PAM: variants seen among roughly 807,000 people sequenced by gnomAD.
The protein encoded by PAM is peptidylglycine alpha-amidating monooxygenase, also known as peptidyl-glycine alpha-amidating monooxygenase.
PAM carries 72 observed loss-of-function variants against 122.1 expected under a neutral mutation model. The ratio of observed to expected loss-of-function variants is 0.59; its 90% confidence interval spans 0.49 to 0.72. PAM has a LOEUF of 0.72. Ranked by LOEUF, PAM falls within the 30% of genes least tolerant of loss-of-function variation. The pLI is 0.00. For missense variants in PAM, 1,106 were observed against 1,183.7 expected (o/e 0.93, Z 0.96); for synonymous variants, 389 against 404.4 (o/e 0.96, Z 0.46).
chr5:102,793,951 C>A (rs1762714350), intron 1 of PAM, among the ~76,000 whole-genome samples: 2 of 151,654 alleles, frequency 1.3e-5, no homozygotes, highest in African/African-American at 2.4e-5. Flanking sequence ...ATATTTTTTT[C>A]TTTTTAAAAA....
At chr5:103,018,087 T>A (rs2151248734) in intron 22 of PAM, among the ~76,000 whole-genome samples, 1 of 152,284 alleles carries the variant, frequency 6.6e-6, no homozygotes, top group South Asian at 2.1e-4. Flanking sequence ...AAATAAATTT[T>A]TTAAATTGAA....
intron 1 of PAM, among the ~76,000 whole-genome samples, chr5:102,799,566 G>A (rs970685442): frequency 2.6e-5 from 4 of 152,174 alleles, no homozygotes; most frequent in African/African-American, 9.7e-5. Context: ...CGTAGGTATA[G>A]TAATGATATC....
intron 1 of PAM, among the ~76,000 whole-genome samples, chr5:102,820,770 C>T (rs1244865216): frequency 1.1e-4 from 16 of 152,060 alleles, no homozygotes. Flanking sequence ...AAGATGAAAA[C>T]ATGCTATGTA....
intron 7 of PAM, among the ~76,000 whole-genome samples, chr5:102,940,991 G>A (rs1561966389): frequency 6.6e-6 from 1 of 152,048 alleles, no homozygotes; most frequent in South Asian, 2.1e-4. Flanking sequence ...AGGATTGGTG[G>A]GTTTTATCTT....
chr5:102,832,941 A>G (rs2150458769), intron 1 of PAM, among the ~76,000 whole-genome samples: 1 of 152,294 alleles, frequency 6.6e-6, no homozygotes. Flanking sequence ...AGACTGTTTG[A>G]CTTCACTTAG....
At chr5:102,934,851 T>C (rs1752756804) in intron 7 of PAM, among the ~76,000 whole-genome samples, 1 of 152,184 alleles carries the variant, frequency 6.6e-6, no homozygotes, top group Non-Finnish European at 1.5e-5. Flanking sequence ...CAAAACTTAA[T>C]GAGAAAACTT....
At chr5:102,871,148 A>T (rs972661792) in intron 3 of PAM, among the ~76,000 whole-genome samples, 1 of 152,158 alleles carries the variant, frequency 6.6e-6, no homozygotes, top group Admixed American at 6.5e-5. Flanking sequence ...TTGCAGTCTC[A>T]ACTCAAATTT....
intron 1 of PAM, among the ~76,000 whole-genome samples, chr5:102,802,948 T>A (rs1765162870): frequency 6.6e-6 from 1 of 151,084 alleles, no homozygotes; most frequent in South Asian, 2.1e-4. Flanking sequence ...CGAGACCCCA[T>A]CTCTACACAC....
chr5:102,898,674 T>C (rs946453169), intron 3 of PAM, among the ~76,000 whole-genome samples: 8 of 151,400 alleles, frequency 5.3e-5, no homozygotes, highest in African/African-American at 1.9e-4. Context: ...GTAGGGTACT[T>C]GGACTAAAAC....
chr5:102,774,504 G>C (rs1022703298), intron 1 of PAM, among the ~76,000 whole-genome samples: 1 of 152,084 alleles, frequency 6.6e-6, no homozygotes, highest in African/African-American at 2.4e-5. Flanking sequence ...ACACTTGTGG[G>C]AGGATGGAAT....
At chr5:102,817,747 C>A (rs1455117278) in intron 1 of PAM, among the ~76,000 whole-genome samples, 2 of 151,938 alleles carry the variant, frequency 1.3e-5, no homozygotes, top group Non-Finnish European at 2.9e-5. Context: ...GATCATGTCT[C>A]TCCTCTCCTC....
chr5:102,872,059 G>A (rs936233094), intron 3 of PAM, among the ~76,000 whole-genome samples: 1 of 152,052 alleles, frequency 6.6e-6, no homozygotes, highest in Non-Finnish European at 1.5e-5. Context: ...GCTGTCATTA[G>A]TGTAATCATT....
At chr5:102,973,116 G>A (rs763918253) in intron 14 of PAM, among the ~76,000 whole-genome samples, 11 of 152,138 alleles carry the variant, frequency 7.2e-5, no homozygotes, top group Non-Finnish European at 1.5e-4. Context: ...TAAGCAACAG[G>A]ACTCCATAGT....
At chr5:102,823,597 C>A (rs1232520982) in intron 1 of PAM, among the ~76,000 whole-genome samples, 1 of 152,130 alleles carries the variant, frequency 6.6e-6, no homozygotes, top group Non-Finnish European at 1.5e-5. Context: ...TCAGAGTGAG[C>A]AATTAAAACC....
In PAM at chr5:102,866,156, C is replaced by T; in HGVS notation, c.-40C>T. On this transcript the variant is annotated 5_prime_UTR_variant, in exon 2 of 26. Transcript: ENST00000438793. ...CCGCCAGCCCCAGCCCCGCGCTGCG[C>T]TGCCCGGTCCTCTCCCGGCGGGGTC... 1 of 1,443,370 alleles carries T rather than the reference C, an allele frequency of 6.9e-7. No individual in the cohort carries two copies. The highest frequency in any genetic ancestry group is 9.7e-7 in the Non-Finnish European group (1 of 1,029,484). 89.4% of individuals were successfully genotyped at this position (1,443,370 alleles called of 1,614,324 possible).
At chr5:102,894,848 C>A (rs1423863381) in intron 3 of PAM, among the ~76,000 whole-genome samples, 2 of 151,714 alleles carry the variant, frequency 1.3e-5, no homozygotes, top group Non-Finnish European at 3.0e-5. Context: ...CCAGTCATGT[C>A]TATTTTACCT....
chr5:102,826,768 A>T (rs1773769301), intron 1 of PAM, among the ~76,000 whole-genome samples: 1 of 152,192 alleles, frequency 6.6e-6, no homozygotes, highest in African/African-American at 2.4e-5. Context: ...GGAATGGAAA[A>T]TGCAGACCTC....
intron 1 of PAM, among the ~76,000 whole-genome samples, chr5:102,823,603 A>C (rs2150346593): frequency 6.6e-6 from 1 of 152,294 alleles, no homozygotes; most frequent in East Asian, 1.9e-4. Flanking sequence ...TGAGCAATTA[A>C]AACCAAGTAA....
chr5:102,838,037 TTTTA>T (rs550733173), intron 1 of PAM, among the ~76,000 whole-genome samples: 141 of 152,284 alleles, frequency 9.3e-4, no homozygotes, highest in African/African-American at 2.6e-3. Flanking sequence ...TTGCACATGG[TTTTA>T]TTTGTTTGCT....
Sources: allele counts gnomAD v4.1 joint callset (sites outside exome capture counted in the v4.1 genomes callset), GRCh38; gene constraint gnomAD v4.1.1; transcripts MANE v1.5; gene names NCBI Gene and HGNC (gene_info 2026-07-23, HGNC 2026-07-21).